The following SMC6 variants were observed in gnomAD, a reference collection of about 807,000 sequenced individuals.
SMC6 encodes structural maintenance of chromosomes 6, also known as structural maintenance of chromosomes protein 6.
A neutral mutation model predicts 142.2 loss-of-function variants in SMC6; 79 were observed. That is an observed-to-expected ratio of 0.56 (90% confidence interval 0.46 to 0.67). The LOEUF (loss-of-function observed/expected upper bound fraction) is 0.67, where lower values mean the gene tolerates loss of function less well. SMC6 is among the 30% of genes least tolerant of loss of function. The pLI, the probability that SMC6 is intolerant of heterozygous loss-of-function variation, is 0.00. For missense variants in SMC6, 1,072 were observed against 1,284.0 expected (o/e 0.83, Z 2.52); for synonymous variants, 411 against 412.4 (o/e 1.00, Z 0.04).
intron 25 of SMC6, among the ~76,000 whole-genome samples, chr2:17,675,074 T>C (rs542825208): frequency 6.6e-6 from 1 of 152,226 alleles, no homozygotes; most frequent in South Asian, 2.1e-4. Context: ...TGTTCTTTAT[T>C]TCTCTTCCCT....
Position 17,696,429 on chromosome 2 carries a change from G to T in SMC6, c.2395-3C>A. The T allele has an allele frequency of 6.3e-7, 1 of 1,598,628 alleles. No individual in the cohort carries two copies. The highest frequency in any genetic ancestry group is 8.5e-7 in the Non-Finnish European group (1 of 1,176,280). ...GAATCAGCAAGGTTTAATTCATCCT[G>T]TTTGAACAAAGCCAGAATAAAAGAT... On this transcript the variant is annotated splice_region_variant and splice_polypyrimidine_tract_variant and intron_variant, in intron 21 of 27. Transcript: ENST00000448223.
In SMC6 at chr2:17,745,078, A is replaced by C. The variant is rs368616157; in HGVS notation, c.120+749T>G. Among the ~76,000 whole-genome samples the C allele has an allele frequency of 3.3e-5, 5 of 152,228 alleles. No homozygotes were observed. The East Asian group carries it at 7.7e-4, about 23-fold the overall frequency. The stretch of plus-strand genomic sequence containing the variant: ...AGTCCTGTGAACCAATCCTGCTTGA[A>C]TACCAAGTAACAACTACATTGCTGA... On this transcript the variant is annotated intron_variant, in intron 3 of 27. Coordinates refer to ENST00000448223, the MANE Select transcript of SMC6 (RefSeq NM_001142286.2).
At chr2:17,734,171 AAAAG>A (rs1339850119) in intron 5 of SMC6, among the ~76,000 whole-genome samples, 1 of 152,138 alleles carries the variant, frequency 6.6e-6, no homozygotes, top group East Asian at 1.9e-4. Context: ...AGATGCAATT[AAAAG>A]AAAGCCCCAG....
At chr2:17,683,516 C>T in intron 24 of SMC6, 122 bp downstream of exon 24, 2 of 932,920 alleles carry the variant, frequency 2.1e-6, no homozygotes, top group African/African-American at 3.4e-5. Flanking sequence ...TTAGAGAATC[C>T]TAAGAACTGA....
chr2:17,713,819 G>T (rs555878416), intron 16 of SMC6, among the ~76,000 whole-genome samples: 18 of 152,280 alleles, frequency 1.2e-4, no homozygotes, highest in African/African-American at 4.3e-4. Context: ...TTTGCACACA[G>T]AATTCTATTT....
At chr2:17,720,602 T>C (rs752024958) in intron 11 of SMC6, among the ~76,000 whole-genome samples, 1 of 152,234 alleles carries the variant, frequency 6.6e-6, no homozygotes, top group Non-Finnish European at 1.5e-5. Flanking sequence ...CCTTTATTTC[T>C]CAGGTCTTTT....
chr2:17,711,754 G>A (rs1668836379), intron 16 of SMC6, among the ~76,000 whole-genome samples: 1 of 152,066 alleles, frequency 6.6e-6, no homozygotes, highest in Admixed American at 6.5e-5. Flanking sequence ...GAGTAGCTGG[G>A]ACCACAGGCA....
chr2:17,667,397 A>T (rs1283713862), intron 26 of SMC6, among the ~76,000 whole-genome samples: 1 of 152,238 alleles, frequency 6.6e-6, no homozygotes, highest in East Asian at 1.9e-4. Context: ...ATGCTTCGTT[A>T]TAATAGGTTT....
chr2:17,729,192 T>C (rs1669786345), intron 7 of SMC6, among the ~76,000 whole-genome samples: 1 of 152,202 alleles, frequency 6.6e-6, no homozygotes, highest in Non-Finnish European at 1.5e-5. Flanking sequence ...AGTTATTCCT[T>C]TATATTAAGT....
intron 13 of SMC6, 88 bp downstream of exon 13, chr2:17,717,000 C>G: frequency 2.0e-6 from 3 of 1,518,538 alleles, no homozygotes; most frequent in African/African-American, 2.8e-5. Flanking sequence ...CCATTAACAA[C>G]AATACATAAA....
At chr2:17,689,270 T>A (rs768342388) in intron 23 of SMC6, among the ~76,000 whole-genome samples, 5 of 152,032 alleles carry the variant, frequency 3.3e-5, no homozygotes, top group Non-Finnish European at 7.4e-5. Flanking sequence ...AAATATCGTA[T>A]AAAATCAAAA....
intron 19 of SMC6, 84 bp from the exon 20 acceptor site, chr2:17,701,993 C>A: frequency 1.4e-6 from 1 of 707,006 alleles, no homozygotes; most frequent in Non-Finnish European, 2.4e-6. Context: ...ATCTACAAAG[C>A]TCTATAATGA....
Position 17,717,119 on chromosome 2 carries a change from G to A in SMC6, c.1150C>T (p.Leu384Phe), listed in dbSNP as rs1182998476. Residue 384 changes from leucine (L) to phenylalanine (F), a missense_variant, in exon 13 of 28, where the codon CTT (leucine) becomes TTT (phenylalanine). By Grantham distance (22) the Leu-to-Phe change is conservative (BLOSUM62 0). Transcript: ENST00000448223. ...YKALKKDDEQLCKRIEELKKS... is the reference protein window; with the variant it reads ...YKALKKDDEQFCKRIEELKKS... ...TTCAGCTCTTCAATTCGTTTACAAA[G>A]CTGCTCATCATCTTTCTTTAATGCT... The A allele has an allele frequency of 6.2e-7, 1 of 1,611,764 alleles. No homozygotes were observed. Among genetic ancestry groups the A allele is most frequent in the South Asian group, 1.1e-5 (1 of 90,520 alleles).
At position 17,685,088 on chromosome 2, in the gene SMC6, G is replaced by T. The variant is rs146957971; in HGVS notation, c.2679-1325C>A. Among the ~76,000 whole-genome samples, 686 of 148,222 alleles carry T rather than the reference G, an allele frequency of 4.6e-3. 8 individuals are homozygous for T. The highest frequency in any genetic ancestry group is 0.016 in the African/African-American group (643 of 39,668). Reference sequence around the variant, plus strand: ...AAAAGAGAAATGTGGAAAACACATAGATGGAAATAAAGAACATAAATGAGA... The same window carrying T: ...AAAAGAGAAATGTGGAAAACACATATATGGAAATAAAGAACATAAATGAGA... On this transcript the variant is annotated intron_variant, in intron 23 of 27. Transcript: ENST00000448223.
intron 7 of SMC6, among the ~76,000 whole-genome samples, chr2:17,730,040 T>C (rs1669830896): frequency 6.6e-6 from 1 of 152,182 alleles, no homozygotes. Context: ...CGAGGCAGTA[T>C]TGCACAATGG....
chr2:17,668,429 G>T (rs1174031153), intron 26 of SMC6, among the ~76,000 whole-genome samples: 1 of 152,076 alleles, frequency 6.6e-6, no homozygotes, highest in Non-Finnish European at 1.5e-5. Flanking sequence ...TAGGCATTAG[G>T]AGACATAAAC....
intron 7 of SMC6, among the ~76,000 whole-genome samples, chr2:17,728,903 C>G (rs988496333): frequency 3.7e-4 from 56 of 152,196 alleles, no homozygotes; most frequent in Non-Finnish European, 4.1e-4. Flanking sequence ...CATGTGCCAC[C>G]ATGCCTGCCT....
intron 2 of SMC6, among the ~76,000 whole-genome samples, chr2:17,750,699 T>C (rs1670981737): frequency 6.6e-6 from 1 of 151,944 alleles, no homozygotes; most frequent in Non-Finnish European, 1.5e-5. Flanking sequence ...TCATTAAACT[T>C]AAAAAAAAGA....
At chr2:17,692,070 A>G (rs371658489) in intron 23 of SMC6, among the ~76,000 whole-genome samples, 3 of 152,294 alleles carry the variant, frequency 2.0e-5, no homozygotes, top group South Asian at 2.1e-4. Flanking sequence ...ACAAACAAAT[A>G]GAAGAACATT....
Sources: allele counts gnomAD v4.1 joint callset (sites outside exome capture counted in the v4.1 genomes callset), GRCh38; gene constraint gnomAD v4.1.1; transcripts MANE v1.5; gene names NCBI Gene and HGNC (gene_info 2026-07-23, HGNC 2026-07-21).